ZFP1: variants seen among roughly 807,000 people sequenced by gnomAD.
ZFP1 encodes the protein zinc finger protein 1 homolog.
In ZFP1, 32 loss-of-function variants were observed where a neutral mutation model predicts 38.5. The ratio of observed to expected loss-of-function variants is 0.83; its 90% CI spans 0.63 to 1.12. The LOEUF (loss-of-function observed/expected upper bound fraction) is 1.12, where lower values mean the gene tolerates loss of function less well. Among genes scored for constraint, ZFP1 ranks in the 50% most tolerant of loss-of-function variants. The pLI is 0.00. For synonymous variants in ZFP1, 245 were observed against 168.8 expected, an observed-to-expected ratio of 1.45 and a Z score of -3.50; for missense variants, 616 against 480.8, an observed-to-expected ratio of 1.28 and a Z score of -2.63.
intron 2 of ZFP1, among the ~76,000 whole-genome samples, chr16:75,159,409 ATTTT>A (rs59866485): frequency 1.7e-5 from 1 of 59,144 alleles, no homozygotes; most frequent in Non-Finnish European, 3.1e-5. Context: ...CTCACTTTTC[ATTTT>A]TTTTTTTTTT....
chr16:75,152,895 T>A lies in ZFP1; in HGVS notation c.-43-14T>A. ...ACCTTTAATAACAATGCCTTCCTTT[T>A]TCCTCTATTCCAGTTCTGCCTTCAT... On this transcript the variant is annotated splice_polypyrimidine_tract_variant and intron_variant, in intron 1 of 3. Transcript: ENST00000570010. The A allele has an allele frequency of 6.2e-7, 1 of 1,609,320 alleles. No individual in the cohort carries two copies. The highest frequency in any genetic ancestry group is 1.7e-5 in the Admixed American group (1 of 58,996).
chr16:75,171,791 T>TTC lies in ZFP1; in HGVS notation c.*1458_*1459insCT, dbSNP rs1239939026. 1 of 152,210 alleles carries TTC rather than the reference T, an allele frequency of 6.6e-6. No individual in the cohort carries two copies. The highest frequency in any genetic ancestry group is 1.5e-5 in the Non-Finnish European group (1 of 68,036). The allele number at this position is 152,210 out of a possible 1,614,324, so 9.4% of individuals were successfully genotyped here. The stretch of plus-strand genomic sequence containing the variant: ...CAGAACATCCATAGCCCAATAAGCT[T>TTC]TTGTCTAAGTTGTCATCTTACTTAC... On this transcript the variant is annotated 3_prime_UTR_variant, in exon 4 of 4. Transcript: ENST00000570010.
intron 2 of ZFP1, among the ~76,000 whole-genome samples, chr16:75,155,154 A>C (rs1386533217): frequency 1.3e-5 from 2 of 152,168 alleles, no homozygotes; most frequent in African/African-American, 4.8e-5. Context: ...TTTTTGAGAC[A>C]GGGTCTCGCT....
chr16:75,129,859 C>G, the ZFP1 span, among the ~76,000 whole-genome samples: 1 of 152,084 alleles, frequency 6.6e-6, no homozygotes, highest in Non-Finnish European at 1.5e-5. Flanking sequence ...GAGACCAAGG[C>G]AAGTTTTAGA....
At chr16:75,151,051 G>T (rs2037177034) in intron 1 of ZFP1, among the ~76,000 whole-genome samples, 1 of 151,916 alleles carries the variant, frequency 6.6e-6, no homozygotes, top group African/African-American at 2.4e-5. Flanking sequence ...TAGAGACGAG[G>T]TTTTGCCATG....
chr16:75,156,260 C>T (rs1244479137), intron 2 of ZFP1, among the ~76,000 whole-genome samples: 4 of 152,124 alleles, frequency 2.6e-5, no homozygotes, highest in Admixed American at 6.6e-5. Flanking sequence ...TCGAGACCAG[C>T]CTGGCCAACA....
At chr16:75,121,386 A>G in the ZFP1 span, among the ~76,000 whole-genome samples, 59,313 of 151,870 alleles carry the variant, frequency 0.39, 13,493 homozygotes, top group Middle Eastern at 0.52. Context: ...CGGCCCCCCA[A>G]AGTGTTGGGA....
chr16:75,147,024 C>A (rs2036959078), upstream of ZFP1, among the ~76,000 whole-genome samples: 1 of 150,168 alleles, frequency 6.7e-6, no homozygotes, highest in Non-Finnish European at 1.5e-5. Context: ...ATGAAAGAAG[C>A]CAATCTGAAA....
chr16:75,163,472 C>T (rs1016739169), intron 2 of ZFP1, among the ~76,000 whole-genome samples: 20 of 151,780 alleles, frequency 1.3e-4, no homozygotes, highest in Admixed American at 1.1e-3. Context: ...CCACCATGCC[C>T]GGCTAATTTT....
chr16:75,137,967 C>G, the ZFP1 span, among the ~76,000 whole-genome samples: 1 of 148,008 alleles, frequency 6.8e-6, no homozygotes, highest in Non-Finnish European at 1.5e-5. Flanking sequence ...TGCAGAATTC[C>G]AAATAAATTA....
In ZFP1 at chr16:75,170,176, G is replaced by A. The variant is rs2038347927; in HGVS notation, c.1066G>A (p.Glu356Lys). Residue 356 changes from glutamate to lysine, a missense_variant, in exon 4 of 4, where the codon GAG (glutamate) becomes AAG (lysine). By Grantham distance (56) the Glu-to-Lys change is moderately conservative (BLOSUM62 1). Transcript: ENST00000570010. ...HTGEKPYECT[E>K]CGKTFSQRST... ...AGGAGAGAAACCCTATGAATGTACT[G>A]AGTGCGGCAAAACTTTCAGCCAGAG... 1 of 1,614,082 alleles carries A rather than the reference G, an allele frequency of 6.2e-7. No individual in the cohort carries two copies. Among genetic ancestry groups the A allele is most frequent in the South Asian group, 1.1e-5 (1 of 91,080 alleles).
the ZFP1 span, among the ~76,000 whole-genome samples, chr16:75,131,901 G>T: frequency 6.6e-6 from 1 of 151,072 alleles, no homozygotes; most frequent in Non-Finnish European, 1.5e-5. Context: ...GGAGGTGGAG[G>T]TTACAGTGAG....
At chr16:75,137,811 G>A in the ZFP1 span, among the ~76,000 whole-genome samples, 1 of 151,904 alleles carries the variant, frequency 6.6e-6, no homozygotes, top group South Asian at 2.1e-4. Flanking sequence ...GCTTAGGCAG[G>A]AGCATCACTT....
chr16:75,119,043 G>C, the ZFP1 span, among the ~76,000 whole-genome samples: 2 of 152,154 alleles, frequency 1.3e-5, no homozygotes, highest in Non-Finnish European at 2.9e-5. Context: ...GTTGAGTGAC[G>C]TCTCAAGTCT....
At position 75,157,927 on chromosome 16, in the gene ZFP1, G is replaced by A. The variant is rs893332177; in HGVS notation, c.15+4961G>A. The stretch of plus-strand genomic sequence containing the variant: ...CCTCCCAGTATTTGGAACTACAGGC[G>A]TGTACCACCATGCTCAGGCAATTTT... On this transcript the variant is annotated intron_variant, in intron 2 of 3. Transcript: ENST00000570010. Among the ~76,000 whole-genome samples the A allele has an allele frequency of 4.4e-4, 66 of 151,606 alleles. 1 individual carries two copies. The highest frequency in any genetic ancestry group is 1.5e-3 in the African/African-American group (60 of 41,310).
At chr16:75,149,744 A>G (rs1410523781) in intron 1 of ZFP1, among the ~76,000 whole-genome samples, 1 of 151,372 alleles carries the variant, frequency 6.6e-6, no homozygotes, top group Non-Finnish European at 1.5e-5. Context: ...TATTGATGTA[A>G]CTGTTCCTCT....
chr16:75,170,081 A>G lies in ZFP1; in HGVS notation c.971A>G (p.Tyr324Cys), dbSNP rs763918823. 3.1e-6 allele frequency: 5 copies of G among 1,614,066 alleles called. No individual in the cohort carries two copies. In the South Asian group the frequency reaches 3.3e-5, roughly 11 times the overall value. ...HQKIHTGEKR[Y>C]ECSECGKSFI... ...AAGATTCACACGGGGGAGAAACGCT[A>G]TGAGTGCAGTGAATGTGGAAAATCC... The change falls in exon 4 of 4, where the codon TAT becomes TGT. Residue 324 changes from tyrosine (Y) to cysteine (C), a missense_variant. By Grantham distance (194) the Tyr-to-Cys change is radical (BLOSUM62 -2). Transcript: ENST00000570010.
At chr16:75,166,533 G>T in intron 2 of ZFP1, 1 of 985,178 alleles carries the variant, frequency 1.0e-6, no homozygotes, top group Non-Finnish European at 1.2e-6. Context: ...CTGGCCAATA[G>T]TGTTTTATTA....
chr16:75,158,566 T>G (rs1259322481), intron 2 of ZFP1, among the ~76,000 whole-genome samples: 1 of 151,830 alleles, frequency 6.6e-6, no homozygotes, highest in East Asian at 1.9e-4. Flanking sequence ...GGGCTGGGAT[T>G]ATAGGCGTGA....
Sources: allele counts gnomAD v4.1 joint callset (sites outside exome capture counted in the v4.1 genomes callset), GRCh38; gene constraint gnomAD v4.1.1; transcripts MANE v1.5; gene names NCBI Gene and HGNC (gene_info 2026-07-23, HGNC 2026-07-21).